The following TMEM163 variants were observed in gnomAD, a reference collection of about 807,000 sequenced individuals.
TMEM163 encodes the protein transmembrane protein 163.
A neutral mutation model predicts 29.3 loss-of-function variants in TMEM163; 17 were observed. The ratio of observed to expected loss-of-function variants is 0.58; its 90% CI spans 0.40 to 0.87. The LOEUF is 0.87. Among genes scored for constraint, TMEM163 ranks in the 40% least tolerant of loss-of-function variants. TMEM163 has a pLI of 0.00. For missense variants in TMEM163, 303 were observed against 381.5 expected, an observed-to-expected ratio of 0.79 and a Z score of 1.71; for synonymous variants, 157 against 160.6, an observed-to-expected ratio of 0.98 and a Z score of 0.17.
chr2:134,667,813 G>A (rs1342732588), intron 2 of TMEM163, among the ~76,000 whole-genome samples: 3 of 152,170 alleles, frequency 2.0e-5, no homozygotes, highest in Non-Finnish European at 4.4e-5. Flanking sequence ...ACAGTTAATC[G>A]TTACATCTCC....
intron 2 of TMEM163, among the ~76,000 whole-genome samples, chr2:134,581,160 A>C (rs1224241877): frequency 6.6e-6 from 1 of 152,200 alleles, no homozygotes; most frequent in Non-Finnish European, 1.5e-5. Context: ...AAGGATTTGT[A>C]GTCCAATATA....
chr2:134,487,896 C>A (rs1679347047), intron 5 of TMEM163, among the ~76,000 whole-genome samples: 1 of 151,930 alleles, frequency 6.6e-6, no homozygotes, highest in African/African-American at 2.4e-5. Flanking sequence ...CCTTTAATAT[C>A]TTTTAAAAGA....
intron 2 of TMEM163, among the ~76,000 whole-genome samples, chr2:134,573,678 G>C (rs1310899169): frequency 6.6e-6 from 1 of 152,218 alleles, no homozygotes. Context: ...TCAGTGTTAA[G>C]TGCAATGACA....
chr2:134,479,215 A>G (rs1289476078), intron 5 of TMEM163, among the ~76,000 whole-genome samples: 1 of 152,250 alleles, frequency 6.6e-6, no homozygotes, highest in African/African-American at 2.4e-5. Flanking sequence ...GAACTAAGAC[A>G]GTCCTGCAGC....
At chr2:134,600,319 C>T (rs1682198528) in intron 2 of TMEM163, among the ~76,000 whole-genome samples, 1 of 152,134 alleles carries the variant, frequency 6.6e-6, no homozygotes. Context: ...TCTGATCCAA[C>T]AGGATAATGA....
chr2:134,626,392 A>C (rs1682852066), intron 2 of TMEM163, among the ~76,000 whole-genome samples: 1 of 152,130 alleles, frequency 6.6e-6, no homozygotes, highest in South Asian at 2.1e-4. Flanking sequence ...GGTGTGAGCC[A>C]CCATGCCCAG....
chr2:134,473,487 A>G (rs897664032), intron 5 of TMEM163, among the ~76,000 whole-genome samples: 17 of 151,792 alleles, frequency 1.1e-4, no homozygotes, highest in Admixed American at 5.2e-4. Flanking sequence ...GTGACCCAAG[A>G]TCACACCATT....
At chr2:134,469,271 G>C (rs1686739800) in intron 5 of TMEM163, 1 of 152,088 alleles carries the variant, frequency 6.6e-6, no homozygotes, top group Non-Finnish European at 1.5e-5. Flanking sequence ...CGATGGACCG[G>C]AGGGCCCCGA....
Position 134,557,001 on chromosome 2 carries a change from T to A in TMEM163, c.323-4910A>T, listed in dbSNP as rs144038270. 2.0e-5 allele frequency among the ~76,000 whole-genome samples: 3 copies of A among 152,124 alleles called. No individual in the cohort carries two copies. In the East Asian group the frequency reaches 5.8e-4, roughly 29 times the overall value. On this transcript the variant is annotated intron_variant, in intron 2 of 7. Coordinates refer to ENST00000281924, the MANE Select transcript of TMEM163 (RefSeq NM_030923.5). ...CACAGGTGCAAACTGAATGGGAAGA[T>A]CAGAAGAGGCTTCATTGAGAAGGGG...
intron 2 of TMEM163, among the ~76,000 whole-genome samples, chr2:134,692,771 C>A (rs1684499946): frequency 1.3e-5 from 2 of 152,134 alleles, no homozygotes; most frequent in Admixed American, 6.5e-5. Context: ...GTAAACTGAG[C>A]CACCTCCCAA....
intron 1 of TMEM163, among the ~76,000 whole-genome samples, chr2:134,715,639 T>A (rs997410463): frequency 6.6e-6 from 1 of 152,172 alleles, no homozygotes; most frequent in African/African-American, 2.4e-5. Context: ...GTATAAAGAC[T>A]CAGTTCCTAG....
chr2:134,470,370 A>C (rs1215351305), intron 5 of TMEM163, among the ~76,000 whole-genome samples: 3 of 152,014 alleles, frequency 2.0e-5, no homozygotes, highest in Non-Finnish European at 4.4e-5. Context: ...AAAAAAAAAA[A>C]AAACTTCATA....
rs1686509869 is a variant in TMEM163, at chr2:134,460,466, G to A, written c.668-2293C>T. On this transcript the variant is annotated intron_variant, in intron 6 of 7. Transcript: ENST00000281924. The surrounding 1 kb of genome is among the most constrained non-coding windows in gnomAD (Gnocchi z 4.3). ...CACTGGAAACCTAAGCTTAAGGACA[G>A]GAACTTTGTCTCTCCTTGCAGTATT... Among the ~76,000 whole-genome samples, 1 of 152,208 alleles carries A rather than the reference G, an allele frequency of 6.6e-6. No homozygotes were observed. Among genetic ancestry groups the A allele is most frequent in the African/African-American group, 2.4e-5 (1 of 41,454 alleles).
At chr2:134,669,046 A>G (rs1683933815) in intron 2 of TMEM163, among the ~76,000 whole-genome samples, 1 of 152,220 alleles carries the variant, frequency 6.6e-6, no homozygotes, top group South Asian at 2.1e-4. Flanking sequence ...CCACATCCTC[A>G]CTGCAGAGGC....
intron 2 of TMEM163, among the ~76,000 whole-genome samples, chr2:134,605,034 C>A (rs1292852368): frequency 6.6e-6 from 1 of 151,794 alleles, no homozygotes; most frequent in Non-Finnish European, 1.5e-5. Flanking sequence ...ACAAAATTAG[C>A]TGGGCATGGT....
intron 2 of TMEM163, among the ~76,000 whole-genome samples, chr2:134,624,770 A>C (rs1250409350): frequency 6.6e-6 from 1 of 152,010 alleles, no homozygotes; most frequent in East Asian, 1.9e-4. Flanking sequence ...TTAGCCAGGC[A>C]TGGTGGCATG....
intron 2 of TMEM163, among the ~76,000 whole-genome samples, chr2:134,664,167 A>AC (rs1249386546): frequency 6.6e-6 from 1 of 152,190 alleles, no homozygotes; most frequent in African/African-American, 2.4e-5. Context: ...CACAGCGAGT[A>AC]CCTCTGCTTC....
At chr2:134,698,357 T>C (rs776764532) in intron 2 of TMEM163, among the ~76,000 whole-genome samples, 8 of 152,242 alleles carry the variant, frequency 5.3e-5, no homozygotes, top group African/African-American at 1.9e-4. Context: ...TCTTCAAATT[T>C]ATGGGCATAC....
chr2:134,569,456 A>G (rs1271227845), intron 2 of TMEM163, among the ~76,000 whole-genome samples: 1 of 152,184 alleles, frequency 6.6e-6, no homozygotes, highest in Non-Finnish European at 1.5e-5. Flanking sequence ...ACCTGCAAAG[A>G]TTTAGCTAAA....
Sources: gnomAD v4.1 joint callset for allele counts (sites outside exome capture counted in the v4.1 genomes callset) on GRCh38, gnomAD v4.1.1 for gene constraint, Gnocchi (gnomAD v3.1) non-coding constraint, MANE v1.5 for transcripts, NCBI Gene and HGNC (gene_info 2026-07-23, HGNC 2026-07-21) for gene names.